The following COL9A3 variants were observed in gnomAD, a reference collection of about 807,000 sequenced individuals.
COL9A3 encodes collagen alpha-3(IX) chain.
A neutral mutation model predicts 110.2 loss-of-function variants in COL9A3; 82 were observed. The ratio of observed to expected loss-of-function variants is 0.74; its 90% confidence interval spans 0.62 to 0.89. The LOEUF (loss-of-function observed/expected upper bound fraction) is 0.89. Among genes scored for constraint, COL9A3 ranks in the 40% least tolerant of loss-of-function variants. The probability of loss-of-function intolerance (pLI) is 0.00; values close to 1 mark genes in which losing one functional copy is unlikely to be tolerated. For synonymous variants in COL9A3, 494 were observed against 403.8 expected (o/e 1.22, Z -2.68); for missense variants, 1,066 against 981.3 (o/e 1.09, Z -1.15).
chr20:62,832,288 G>A (rs938614489), intron 25 of COL9A3, 99 bp downstream of exon 25: 50 of 1,206,430 alleles, frequency 4.1e-5, no homozygotes, highest in Middle Eastern at 2.5e-4. Flanking sequence ...CTGTGTTTTC[G>A]GGACACTGAG....
intron 25 of COL9A3, 77 bp downstream of exon 25, chr20:62,832,266 C>A: frequency 2.0e-6 from 3 of 1,466,956 alleles, no homozygotes; most frequent in Non-Finnish European, 2.9e-6. Flanking sequence ...CCTGTCCCGG[C>A]TCTGGCCCTG....
In COL9A3 at chr20:62,824,356, C is replaced by T. The variant is rs2147205330; in HGVS notation, c.520-89C>T. On this transcript the variant is annotated intron_variant, in intron 10 of 31. Coordinates refer to ENST00000649368, the MANE Select transcript of COL9A3 (RefSeq NM_001853.4). ...GGGGTCCCGTCACCGTGCAGAGTGG[C>T]CTCCTGGGGTCCCGCGGGCGCTGAC... 5 of 1,386,340 alleles carry T rather than the reference C, an allele frequency of 3.6e-6. No homozygotes were observed. In the East Asian group the frequency reaches 1.0e-4, roughly 28 times the overall value. 85.9% of individuals were successfully genotyped at this position (1,386,340 alleles called of 1,614,324 possible). A position where few individuals can be genotyped will look rare whatever the true frequency, so the allele number is the denominator to read the frequency against.
rs765392378 is a variant in COL9A3 at position 62,824,462 on chromosome 20, GCCAGGTCCC to G, written c.543_551del (p.Pro185_Gly187del). ...TCCGACAGTGCCCAAGTATCTGCCC[GCCAGGTCCC>G]CCAGGGCCCCCTGGAATGCCAGGGT... is the stretch of plus-strand genomic sequence containing the variant. On this transcript the variant is annotated inframe_deletion, in exon 11 of 32. Transcript: ENST00000649368. The G allele has an allele frequency of 4.3e-4, 688 of 1,601,678 alleles. No individual in the cohort carries two copies. The highest frequency in any genetic ancestry group is 5.4e-4 in the Non-Finnish European group (634 of 1,174,726).
At chr20:62,835,431 G>A (rs183445511) in intron 26 of COL9A3, among the ~76,000 whole-genome samples, 18 of 152,320 alleles carry the variant, frequency 1.2e-4, no homozygotes, top group Admixed American at 3.9e-4. Context: ...AGTTTACTCC[G>A]GAGAGCCGAG....
rs553565025 is a variant in COL9A3, at chr20:62,821,907, C to T, written c.423+97C>T. On this transcript the variant is annotated intron_variant, in intron 8 of 31. Transcript: ENST00000649368. ...GGCTCCCTTCCCCTCTCCCTTTTCC[C>T]TTTCTCCCCCAACCCCACCTTGGTG... 7.5e-6 allele frequency: 6 copies of T among 801,412 alleles called. No homozygotes were observed. In the East Asian group the frequency reaches 1.6e-4, roughly 21 times the overall value. The allele number at this position is 801,412 out of a possible 1,614,324, so 49.6% of individuals were successfully genotyped here.
At chr20:62,836,155 C>T (rs759485881) in intron 27 of COL9A3, 32 bp from the exon 28 acceptor site, 2 of 1,610,308 alleles carry the variant, frequency 1.2e-6, no homozygotes, top group Non-Finnish European at 1.7e-6. Context: ...CCTGGGCTCG[C>T]CCCTGACCCA....
intron 16 of COL9A3, 45 bp from the exon 17 acceptor site, chr20:62,827,878 C>T: frequency 1.2e-6 from 2 of 1,603,694 alleles, no homozygotes; most frequent in African/African-American, 2.7e-5. Flanking sequence ...GTGAGGCCGT[C>T]TGGGAAGAGA....
chr20:62,825,722 C>T (rs1416090132), intron 12 of COL9A3, 95 bp from the exon 13 acceptor site: 10 of 1,297,620 alleles, frequency 7.7e-6, no homozygotes, highest in Non-Finnish European at 1.1e-5. Flanking sequence ...GGCAACACCC[C>T]CAGCTGCTTG....
At chr20:62,825,598 C>T (rs182919916) in intron 12 of COL9A3, 65 of 621,278 alleles carry the variant, frequency 1.0e-4, no homozygotes, top group Non-Finnish European at 1.7e-4. Flanking sequence ...CTTGTGGGAA[C>T]AGTGACCACG....
At chr20:62,826,379 C>T in intron 14 of COL9A3, 122 bp downstream of exon 14, 2 of 937,160 alleles carry the variant, frequency 2.1e-6, no homozygotes, top group Non-Finnish European at 3.2e-6. Flanking sequence ...CTGGCTCTGG[C>T]CATCGCCACT....
Position 62,828,086 on chromosome 20 carries a change from C to T in COL9A3, c.900+110C>T. ...GCTCAGTGCCCTCTGCTGTGGCCATCTTGAAATCTGGGTTAACGGTGGAAC... is the reference window on the plus strand; with the variant it reads ...GCTCAGTGCCCTCTGCTGTGGCCATTTTGAAATCTGGGTTAACGGTGGAAC... On this transcript the variant is annotated intron_variant, in intron 17 of 31. Coordinates refer to ENST00000649368, the MANE Select transcript of COL9A3 (RefSeq NM_001853.4). 3 of 1,153,350 alleles carry T rather than the reference C, an allele frequency of 2.6e-6. No individual in the cohort carries two copies. The Admixed American group carries it at 5.6e-5, about 22-fold the overall frequency. 71.4% of individuals were successfully genotyped at this position (1,153,350 alleles called of 1,614,324 possible).
intron 16 of COL9A3, 57 bp from the exon 17 acceptor site, chr20:62,827,866 G>A: frequency 6.3e-7 from 1 of 1,580,426 alleles, no homozygotes; most frequent in Non-Finnish European, 8.7e-7. Context: ...GCCGGAGAAT[G>A]CGTGAGGCCG....
chr20:62,837,140 G>A lies in COL9A3; in HGVS notation c.1661G>A (p.Gly554Asp). 6.2e-7 allele frequency: 1 copy of A among 1,613,314 alleles called. No individual in the cohort carries two copies. The highest frequency in any genetic ancestry group is 8.5e-7 in the Non-Finnish European group (1 of 1,179,984). The change falls in exon 30 of 32, where the codon GGT (glycine) becomes GAT (aspartate). Residue 554 changes from glycine to aspartate, a missense_variant. Physicochemically the swap from Gly to Asp is moderately conservative, Grantham distance 94. Coordinates refer to ENST00000649368, the MANE Select transcript of COL9A3 (RefSeq NM_001853.4). Reference sequence around the variant, plus strand: ...AAGCCTTTGGCACCCGGGTCCATTGGTCGGCCCGGTCCAGCTGGCCCCCCT... The same window carrying A: ...AAGCCTTTGGCACCCGGGTCCATTGATCGGCCCGGTCCAGCTGGCCCCCCT... Reference protein sequence around the residue: ...LRKPLAPGSIGRPGPAGPPGP... With the variant: ...LRKPLAPGSIDRPGPAGPPGP...
chr20:62,835,936 G>T lies in COL9A3; in HGVS notation c.1384G>T (p.Val462Phe). 1 of 1,614,152 alleles carries T rather than the reference G, an allele frequency of 6.2e-7. No homozygotes were observed. The highest frequency in any genetic ancestry group is 2.2e-5 in the East Asian group (1 of 44,886). ...DKGELGPSGL[V>F]GPKGESGSRG... Reference sequence around the variant, plus strand: ...CTCTTCACAGGGTCCCAGCGGCCTGGTCGGACCCAAAGGAGAGGTGAGTGC... The same window carrying T: ...CTCTTCACAGGGTCCCAGCGGCCTGTTCGGACCCAAAGGAGAGGTGAGTGC... Residue 462 changes from valine (V) to phenylalanine (F), a missense_variant, in exon 27 of 32, where the codon GTC (valine) becomes TTC (phenylalanine). Transcript: ENST00000649368.
At position 62,837,280 on chromosome 20, in the gene COL9A3, C is replaced by T. The variant is rs756028289; in HGVS notation, c.1786+15C>T. 8 of 1,606,572 alleles carry T rather than the reference C, an allele frequency of 5.0e-6. No homozygotes were observed. The highest frequency in any genetic ancestry group is 3.3e-5 in the Admixed American group (2 of 59,848). On this transcript the variant is annotated intron_variant, in intron 30 of 31. Transcript: ENST00000649368. ...CGGGCCCAGAGGTGAGTGTTTGACC[C>T]CATGACACGGTCACCCTGCTGTAAA...
In COL9A3 at chr20:62,830,342, C is replaced by T. The variant is rs1600802949; in HGVS notation, c.1162-18C>T. On this transcript the variant is annotated intron_variant, in intron 22 of 31. Transcript: ENST00000649368. ...CGAACCCTGAGACATCCGCTCACAC[C>T]TCACCTTTGTCTTCCAGGGGGCCCT... is the stretch of plus-strand genomic sequence containing the variant. 1.3e-6 allele frequency: 2 copies of T among 1,566,050 alleles called. No homozygotes were observed. Among genetic ancestry groups the T allele is most frequent in the East Asian group, 4.7e-5 (2 of 42,164 alleles).
rs113709127 is a variant in COL9A3 at position 62,820,867 on chromosome 20, G to A, written c.310-314G>A. On this transcript the variant is annotated intron_variant, in intron 5 of 31. Coordinates refer to ENST00000649368, the MANE Select transcript of COL9A3 (RefSeq NM_001853.4). ...GGGGGCTGAGGACTCAGCAGGCTCC[G>A]TGGGTGGGTTATCGGGAGGGCTTCC... is the stretch of plus-strand genomic sequence containing the variant. Among the ~76,000 whole-genome samples, 6,872 of 152,246 alleles carry A rather than the reference G, an allele frequency of 0.045. 527 individuals carry two copies. Among genetic ancestry groups the A allele is most frequent in the African/African-American group, 0.15 (6,384 of 41,508 alleles).
intron 8 of COL9A3, 129 bp downstream of exon 8, chr20:62,821,939 G>A (rs1028118037): frequency 1.3e-6 from 1 of 753,412 alleles, no homozygotes; most frequent in African/African-American, 1.7e-5. Flanking sequence ...GGTGGGTGTT[G>A]GTAGAAGCCC....
chr20:62,840,422 GCCTCTCCCCA>G lies in COL9A3; in HGVS notation c.1865-119_1865-110del. ...TCCCTCGGCCTCCCCACCCGCTGTG[GCCTCTCCCCA>G]AGTGAAGAGTGAGCAGATGGAAGAG... On this transcript the variant is annotated intron_variant, in intron 31 of 31. Coordinates refer to ENST00000649368, the MANE Select transcript of COL9A3 (RefSeq NM_001853.4). 4.1e-6 allele frequency: 4 copies of G among 964,272 alleles called. No individual in the cohort carries two copies. In the Admixed American group the frequency reaches 7.3e-5, roughly 18 times the overall value. The allele number at this position is 964,272 out of a possible 1,614,324, so 59.7% of individuals were successfully genotyped here. A position where few individuals can be genotyped will look rare whatever the true frequency, so the allele number is the denominator to read the frequency against.
Sources: allele counts gnomAD v4.1 joint callset (sites outside exome capture counted in the v4.1 genomes callset), GRCh38; gene constraint gnomAD v4.1.1; transcripts MANE v1.5; gene names NCBI Gene and HGNC (gene_info 2026-07-23, HGNC 2026-07-21).